Variants in DENND5A observed in about 807,000 individuals in gnomAD.
The protein encoded by DENND5A is DENN domain containing 5A, also known as DENN domain-containing protein 5A.
Under a neutral mutation model 140.3 loss-of-function variants are expected in DENND5A, and 64 were observed. The observed-to-expected ratio is 0.46, with a 90% CI of 0.37 to 0.56. DENND5A has a LOEUF of 0.56. Ranked by LOEUF, DENND5A falls within the 20% of genes least tolerant of loss-of-function variation. The probability of loss-of-function intolerance (pLI) is 0.00; values close to 1 mark genes in which losing one functional copy is unlikely to be tolerated. For missense variants in DENND5A, 1,292 were observed against 1,593.8 expected (o/e 0.81, Z 3.22); for synonymous variants, 605 against 607.7 (o/e 1.00, Z 0.07).
chr11:9,205,738 A>AT (rs111416615), intron 3 of DENND5A, among the ~76,000 whole-genome samples: 69 of 152,100 alleles, frequency 4.5e-4, no homozygotes, highest in African/African-American at 1.6e-3. Flanking sequence ...ATAAAAAAAA[A>AT]ATCCAAAAAG....
intron 20 of DENND5A, 170 bp from the exon 21 acceptor site, chr11:9,143,015 T>C (rs1435223412): frequency 2.7e-6 from 2 of 733,826 alleles, no homozygotes; most frequent in Non-Finnish European, 4.3e-6. Flanking sequence ...CAGCTCCCAG[T>C]GAAGAGCTGC....
At chr11:9,150,799 C>T (rs757470718) in intron 13 of DENND5A, 35 bp from the exon 14 acceptor site, 3 of 1,432,722 alleles carry the variant, frequency 2.1e-6, no homozygotes, top group Non-Finnish European at 2.9e-6. Context: ...CCAAAGAGAT[C>T]TGAATATCCA....
intron 5 of DENND5A, among the ~76,000 whole-genome samples, chr11:9,183,283 A>G (rs1331570795): frequency 6.6e-6 from 1 of 152,212 alleles, no homozygotes; most frequent in Non-Finnish European, 1.5e-5. Flanking sequence ...TACCAATGTC[A>G]TAGACTTGTT....
intron 1 of DENND5A, among the ~76,000 whole-genome samples, chr11:9,217,879 AATT>A (rs1850156673): frequency 1.3e-5 from 2 of 152,368 alleles, no homozygotes; most frequent in South Asian, 2.1e-4. Context: ...CACACACAAA[AATT>A]ATTATCACAG....
intron 15 of DENND5A, among the ~76,000 whole-genome samples, chr11:9,149,326 C>G (rs189817113): frequency 1.1e-4 from 16 of 152,294 alleles, no homozygotes; most frequent in Middle Eastern, 6.8e-3. Context: ...CTAAGCATAC[C>G]TTTTATGTGG....
chr11:9,158,967 A>AC (rs1017564746), intron 12 of DENND5A, among the ~76,000 whole-genome samples: 1 of 151,972 alleles, frequency 6.6e-6, no homozygotes, highest in African/African-American at 2.4e-5. Flanking sequence ...CATTTTCATC[A>AC]CCCCCAAAAG....
chr11:9,223,844 A>G (rs972587290), intron 1 of DENND5A, among the ~76,000 whole-genome samples: 1 of 152,236 alleles, frequency 6.6e-6, no homozygotes, highest in African/African-American at 2.4e-5. Context: ...GTCCTCTGTG[A>G]TTGTTATTTA....
chr11:9,219,509 T>A (rs1850226589), intron 1 of DENND5A, among the ~76,000 whole-genome samples: 1 of 151,734 alleles, frequency 6.6e-6, no homozygotes, highest in South Asian at 2.1e-4. Flanking sequence ...AAAAAAAGAA[T>A]GTATTTTCTA....
intron 13 of DENND5A, 32 bp from the exon 14 acceptor site, chr11:9,150,796 G>T (rs749539571): frequency 2.1e-5 from 31 of 1,443,878 alleles, no homozygotes; most frequent in Non-Finnish European, 2.9e-5. Flanking sequence ...TGTCCAAAGA[G>T]ATCTGAATAT....
chr11:9,179,503 T>TC, intron 6 of DENND5A, among the ~76,000 whole-genome samples: 1 of 151,076 alleles, frequency 6.6e-6, no homozygotes, highest in South Asian at 2.1e-4. Context: ...AAAAAACCTT[T>TC]TTTTTTTTTT....
chr11:9,262,362 C>T (rs889060078), intron 1 of DENND5A, among the ~76,000 whole-genome samples: 1 of 152,196 alleles, frequency 6.6e-6, no homozygotes, highest in African/African-American at 2.4e-5. Flanking sequence ...CAATTTGACA[C>T]TCAAAAACAC....
Position 9,143,003 on chromosome 11 carries a change from A to G in DENND5A, c.3388-158T>C. 4 of 844,516 alleles carry G rather than the reference A, an allele frequency of 4.7e-6. No homozygotes were observed. In the South Asian group the frequency reaches 5.6e-5, roughly 12 times the overall value. The allele number at this position is 844,516 out of a possible 1,614,324, so 52.3% of individuals were successfully genotyped here. ...ACACCTGGCACAGTGCCTGGCTCAG[A>G]GCAGCTCCCAGTGAAGAGCTGCTGA... is the stretch of plus-strand genomic sequence containing the variant. On this transcript the variant is annotated intron_variant, in intron 20 of 22. Transcript: ENST00000328194.
In DENND5A at chr11:9,189,287, C is replaced by G. The variant is rs1389607336; in HGVS notation, c.1137+4207G>C. On this transcript the variant is annotated intron_variant, in intron 5 of 22. Coordinates refer to ENST00000328194, the MANE Select transcript of DENND5A (RefSeq NM_015213.4). The stretch of plus-strand genomic sequence containing the variant: ...GATTTTTGCAGAGGTACGGAAATAC[C>G]TGGATGCCCAGAGAGAAGTTTGTTG... Among the ~76,000 whole-genome samples, 3 of 152,210 alleles carry G rather than the reference C, an allele frequency of 2.0e-5. No individual in the cohort carries two copies. In the East Asian group the frequency reaches 5.8e-4, roughly 29 times the overall value.
chr11:9,170,689 A>G lies in DENND5A; in HGVS notation c.1995T>C (p.Tyr665=), dbSNP rs1848341538. 1.2e-6 allele frequency: 2 copies of G among 1,613,922 alleles called. No homozygotes were observed. The highest frequency in any genetic ancestry group is 2.7e-5 in the African/African-American group (2 of 74,874). The change falls in exon 9 of 23, where the codon TAT becomes TAC. Residue 665 remains tyrosine, a synonymous_variant. Coordinates refer to ENST00000328194, the MANE Select transcript of DENND5A (RefSeq NM_015213.4). The part of the protein sequence containing the change: ...LLDMKIGQGK[Y]EPGFFPKLQS... ...GCAGCTTAGGGAAGAAGCCCGGCTC[A>G]TATTTCCCTTGTCCAATCTTCATGT...
At chr11:9,232,824 C>A (rs1417341011) in intron 1 of DENND5A, among the ~76,000 whole-genome samples, 1 of 152,128 alleles carries the variant, frequency 6.6e-6, no homozygotes, top group Non-Finnish European at 1.5e-5. Context: ...TACCCATGAG[C>A]CTATCAACTG....
chr11:9,260,391 G>C (rs1852145028), intron 1 of DENND5A, among the ~76,000 whole-genome samples: 1 of 152,068 alleles, frequency 6.6e-6, no homozygotes. Flanking sequence ...GTGACCATCA[G>C]AAACAAAGAA....
intron 1 of DENND5A, among the ~76,000 whole-genome samples, chr11:9,258,842 C>T (rs941513930): frequency 1.3e-5 from 2 of 152,084 alleles, no homozygotes; most frequent in Admixed American, 6.6e-5. Context: ...TGTTAACATT[C>T]GATAATTTTG....
At position 9,142,029 on chromosome 11, in the gene DENND5A, G is replaced by C. The variant is rs200898623; in HGVS notation, c.3591C>G (p.Asn1197Lys). The change falls in exon 22 of 23, where the codon AAC (asparagine) becomes AAG (lysine). Residue 1197 changes from asparagine (N) to lysine (K), a missense_variant. This residue lies in a region of DENND5A where 498 missense variants were observed against 689.7 expected (regional missense o/e 0.72). Transcript: ENST00000328194. ...PEENWHTRARNFCRFVTAINN... is the reference protein window; with the variant it reads ...PEENWHTRARKFCRFVTAINN... ...TGATTGCAGTGACAAATCGGCAGAAGTTCCGGGCTCTTGTATGCCAGTTTT... is the reference window on the plus strand; with the variant it reads ...TGATTGCAGTGACAAATCGGCAGAACTTCCGGGCTCTTGTATGCCAGTTTT... 13 of 1,606,352 alleles carry C rather than the reference G, an allele frequency of 8.1e-6. No homozygotes were observed. Among genetic ancestry groups the C allele is most frequent in the Middle Eastern group, 1.7e-4 (1 of 5,830 alleles).
chr11:9,217,802 GGCA>G (rs1313536281), intron 1 of DENND5A, among the ~76,000 whole-genome samples: 1 of 152,074 alleles, frequency 6.6e-6, no homozygotes, highest in East Asian at 1.9e-4. Context: ...AAAGAAATTT[GGCA>G]TGCTAGTAAA....
Sources: gnomAD v4.1 joint callset for allele counts (sites outside exome capture counted in the v4.1 genomes callset) on GRCh38, gnomAD v4.1.1 for gene constraint, gnomAD v4.1.1 regional missense constraint, MANE v1.5 for transcripts, NCBI Gene and HGNC (gene_info 2026-07-23, HGNC 2026-07-21) for gene names.